ERBB4: variants seen among roughly 807,000 people sequenced by gnomAD.
ERBB4 encodes the protein erb-b2 receptor tyrosine kinase 4.
ERBB4 carries 42 observed loss-of-function variants against 158.0 expected under a neutral mutation model. The ratio of observed to expected loss-of-function variants is 0.27; its 90% CI spans 0.21 to 0.34. ERBB4 has a LOEUF of 0.34. Ranked by LOEUF, ERBB4 falls within the 10% of genes least tolerant of loss-of-function variation. The pLI is 1.00. For missense variants in ERBB4, 1,333 were observed against 1,624.1 expected (o/e 0.82, Z 3.08); for synonymous variants, 583 against 558.7 (o/e 1.04, Z -0.61).
intron 2 of ERBB4, among the ~76,000 whole-genome samples, chr2:212,029,467 A>G (rs935054689): frequency 6.6e-6 from 1 of 152,206 alleles, no homozygotes; most frequent in East Asian, 1.9e-4. Context: ...ACTAACTCCT[A>G]TTGTCTAGAT....
intron 1 of ERBB4, among the ~76,000 whole-genome samples, chr2:212,514,691 G>C (rs572674319): frequency 6.6e-6 from 1 of 152,258 alleles, no homozygotes; most frequent in Non-Finnish European, 1.5e-5. Context: ...TGTAGTCTCA[G>C]CTACTCTGGA....
chr2:212,361,338 T>C (rs2089678920), intron 1 of ERBB4, among the ~76,000 whole-genome samples: 1 of 151,636 alleles, frequency 6.6e-6, no homozygotes, highest in African/African-American at 2.4e-5. Context: ...CCTAGGTAAA[T>C]ATTTCATACT....
chr2:211,568,083 T>C (rs552162804), intron 19 of ERBB4, among the ~76,000 whole-genome samples: 1 of 152,094 alleles, frequency 6.6e-6, no homozygotes, highest in Non-Finnish European at 1.5e-5. Context: ...ACAGGGACAT[T>C]ATCTATTTTT....
At chr2:211,621,360 G>T (rs1055980820) in intron 18 of ERBB4, among the ~76,000 whole-genome samples, 5 of 151,906 alleles carry the variant, frequency 3.3e-5, no homozygotes, top group African/African-American at 7.2e-5. Context: ...CAAATAATTG[G>T]TTAAGCCAAT....
In ERBB4 at chr2:211,733,907, C is replaced by T. The variant is rs996430324; in HGVS notation, c.623-8713G>A. ...ACCAGCCTGGCCAACATGAAGAAAC[C>T]CTGTCTCTACTAAAAATACAAAAAT... is the stretch of plus-strand genomic sequence containing the variant. On this transcript the variant is annotated intron_variant, in intron 5 of 27. Coordinates refer to ENST00000342788, the MANE Select transcript of ERBB4 (RefSeq NM_005235.3). 1.4e-4 allele frequency among the ~76,000 whole-genome samples: 21 copies of T among 147,426 alleles called. 1 individual carries two copies. The highest frequency in any genetic ancestry group is 3.2e-4 in the African/African-American group (12 of 37,116).
intron 1 of ERBB4, among the ~76,000 whole-genome samples, chr2:212,183,138 G>A (rs1012282902): frequency 3.3e-5 from 5 of 151,766 alleles, no homozygotes; most frequent in African/African-American, 4.8e-5. Context: ...TAAAATAAAT[G>A]TATGTATATA....
intron 2 of ERBB4, among the ~76,000 whole-genome samples, chr2:212,097,971 G>T (rs1451619138): frequency 6.6e-6 from 1 of 152,114 alleles, no homozygotes. Context: ...AGATATATAT[G>T]GGTTTGAGGG....
intron 1 of ERBB4, among the ~76,000 whole-genome samples, chr2:212,294,143 C>T (rs1043828230): frequency 1.3e-5 from 2 of 151,986 alleles, no homozygotes; most frequent in Non-Finnish European, 2.9e-5. Flanking sequence ...GATACCATTT[C>T]TGTTCTACTT....
intron 2 of ERBB4, among the ~76,000 whole-genome samples, chr2:211,980,035 T>C (rs1403774439): frequency 6.6e-6 from 1 of 152,196 alleles, no homozygotes; most frequent in Non-Finnish European, 1.5e-5. Context: ...ACGTGACATT[T>C]AATCGCAACC....
rs148536901 is a variant in ERBB4, at chr2:211,642,371, C to G, written c.1947-11777G>C. On this transcript the variant is annotated intron_variant, in intron 16 of 27. Transcript: ENST00000342788. ...TGAAACACTGTCCTCCCTTGAAAGC[C>G]ATCCTTTCCCTAGTTTCTTCCCTGT... 3.9e-5 allele frequency among the ~76,000 whole-genome samples: 6 copies of G among 152,104 alleles called. No homozygotes were observed. The East Asian group carries it at 1.2e-3, about 29-fold the overall frequency.
chr2:211,458,810 T>C (rs1188392371), intron 20 of ERBB4, among the ~76,000 whole-genome samples: 1 of 152,054 alleles, frequency 6.6e-6, no homozygotes, highest in African/African-American at 2.4e-5. Flanking sequence ...AAATACACAA[T>C]GAAATCCTTC....
chr2:212,304,283 T>A (rs59043697), intron 1 of ERBB4, among the ~76,000 whole-genome samples: 7,191 of 151,482 alleles, frequency 0.047, 586 homozygotes, highest in African/African-American at 0.17. Flanking sequence ...TGAAACTAAT[T>A]CTCTCCCAAT....
intron 1 of ERBB4, among the ~76,000 whole-genome samples, chr2:212,439,725 A>G (rs908073695): frequency 7.2e-5 from 11 of 152,306 alleles, no homozygotes; most frequent in Middle Eastern, 6.8e-3. Flanking sequence ...ATAACCAGAA[A>G]CAGCCTTCTG....
intron 1 of ERBB4, among the ~76,000 whole-genome samples, chr2:212,161,231 C>T (rs543963192): frequency 3.4e-4 from 52 of 151,966 alleles, no homozygotes; most frequent in African/African-American, 1.1e-3. Flanking sequence ...ACTCATCTAT[C>T]CTCATATTTA....
At chr2:211,772,523 G>A (rs1416584301) in intron 4 of ERBB4, among the ~76,000 whole-genome samples, 1 of 151,642 alleles carries the variant, frequency 6.6e-6, no homozygotes, top group Admixed American at 6.6e-5. Flanking sequence ...GTGGTCAGAG[G>A]GTCTCAGTAG....
intron 2 of ERBB4, among the ~76,000 whole-genome samples, chr2:211,958,973 A>C (rs1234989906): frequency 1.3e-5 from 2 of 152,096 alleles, no homozygotes; most frequent in African/African-American, 4.8e-5. Flanking sequence ...AAACATACAT[A>C]GAATCAAATG....
At chr2:211,644,486 A>G (rs1419378506) in intron 16 of ERBB4, among the ~76,000 whole-genome samples, 1 of 152,032 alleles carries the variant, frequency 6.6e-6, no homozygotes, top group Non-Finnish European at 1.5e-5. Flanking sequence ...CATTTCAAAC[A>G]ACATTGAAAT....
At chr2:211,836,446 A>T (rs2077344099) in intron 3 of ERBB4, among the ~76,000 whole-genome samples, 1 of 152,098 alleles carries the variant, frequency 6.6e-6, no homozygotes, top group Non-Finnish European at 1.5e-5. Flanking sequence ...TGTGTGTGAT[A>T]TTTCTACGAG....
intron 16 of ERBB4, among the ~76,000 whole-genome samples, chr2:211,638,071 T>C (rs1574904392): frequency 6.6e-6 from 1 of 152,270 alleles, no homozygotes; most frequent in East Asian, 1.9e-4. Flanking sequence ...TATTAAATCC[T>C]TTATATCCTT....
Sources: allele counts gnomAD v4.1 joint callset (sites outside exome capture counted in the v4.1 genomes callset), GRCh38; gene constraint gnomAD v4.1.1; transcripts MANE v1.5; gene names NCBI Gene and HGNC (gene_info 2026-07-23, HGNC 2026-07-21).